XRCC2: variants seen among roughly 807,000 people sequenced by gnomAD.
XRCC2 encodes the protein DNA repair protein XRCC2.
In XRCC2, 24 loss-of-function variants were observed where a neutral mutation model predicts 27.3. That is an observed-to-expected ratio of 0.88 (90% CI 0.64 to 1.24). The LOEUF is 1.24. Among genes scored for constraint, XRCC2 ranks in the 50% most tolerant of loss-of-function variants. XRCC2 has a pLI of 0.00. For synonymous variants in XRCC2, 106 were observed against 115.4 expected, an observed-to-expected ratio of 0.92 and a Z score of 0.52; for missense variants, 321 against 325.8, an observed-to-expected ratio of 0.99 and a Z score of 0.11.
chr7:152,648,735 G>A lies in XRCC2; in HGVS notation c.750C>T (p.Ser250=), dbSNP rs1171354343. 7.4e-6 allele frequency: 12 copies of A among 1,613,866 alleles called. No homozygotes were observed. Among genetic ancestry groups the A allele is most frequent in the African/African-American group, 2.7e-5 (2 of 74,916 alleles). The change falls in exon 3 of 3, where the codon AGC becomes AGT. Residue 250 remains serine (S), a synonymous_variant. Coordinates refer to ENST00000359321, the MANE Select transcript of XRCC2 (RefSeq NM_005431.2). ...AACGTGAAACTAATGAAAATTGGTTGCTGCTTTGAGAATCATCTTGTTTGG... is the reference window on the plus strand; with the variant it reads ...AACGTGAAACTAATGAAAATTGGTTACTGCTTTGAGAATCATCTTGTTTGG... ...FFSKQDDSQS[S]NQFSLVSRCL...
intron 1 of XRCC2, among the ~76,000 whole-genome samples, chr7:152,667,405 CAAAAAAAAAAAA>C (rs60136474): frequency 7.9e-5 from 6 of 75,892 alleles, no homozygotes; most frequent in Non-Finnish European, 6.8e-5. Context: ...AACTCCGTCT[CAAAAAAAAAAAA>C]AAAAAAAAAG....
chr7:152,665,070 CAT>C lies in XRCC2; in HGVS notation c.40-4290_40-4289del, dbSNP rs2098034985. ...TTTCAGATGCTGGCAAGTCACTGCA[CAT>C]GAGGCAATTAGCCAGCAGCCCATCC... On this transcript the variant is annotated intron_variant, in intron 1 of 2. Coordinates refer to ENST00000359321, the MANE Select transcript of XRCC2 (RefSeq NM_005431.2). Among the ~76,000 whole-genome samples the C allele has an allele frequency of 3.9e-5, 6 of 152,150 alleles. No individual in the cohort carries two copies. In the South Asian group the frequency reaches 1.3e-3, roughly 32 times the overall value.
intron 2 of XRCC2, among the ~76,000 whole-genome samples, chr7:152,652,389 T>G (rs3218520): frequency 6.6e-6 from 1 of 152,024 alleles, no homozygotes; most frequent in Non-Finnish European, 1.5e-5. Context: ...CAAGGGACCA[T>G]GCAGAAGCGC....
chr7:152,674,711 A>ATTTTAAAATATATTT (rs1472762302), intron 1 of XRCC2, among the ~76,000 whole-genome samples: 505 of 2,746 alleles, frequency 0.18, 153 homozygotes, highest in South Asian at 0.23. Context: ...ATATTTATAT[A>ATTTTAAAATATATTT]ATATATTTTT....
At chr7:152,667,421 A>G (rs199614471) in intron 1 of XRCC2, among the ~76,000 whole-genome samples, 23 of 79,708 alleles carry the variant, frequency 2.9e-4, no homozygotes, top group Admixed American at 7.6e-4. Flanking sequence ...AAAAAAAAAA[A>G]AAAAAGAAAA....
intron 1 of XRCC2, among the ~76,000 whole-genome samples, chr7:152,674,909 C>A (rs947750115): frequency 2.0e-5 from 3 of 151,344 alleles, no homozygotes; most frequent in African/African-American, 7.3e-5. Flanking sequence ...TTTATTGGAA[C>A]GCTGCCATGT....
chr7:152,673,374 G>C (rs749354223), intron 1 of XRCC2, among the ~76,000 whole-genome samples: 4 of 151,738 alleles, frequency 2.6e-5, no homozygotes, highest in African/African-American at 7.3e-5. Context: ...AGTAGAGACA[G>C]GGTTTCTCTC....
rs544703085 is a variant in XRCC2 at position 152,667,692 on chromosome 7, T to C, written c.40-6910A>G. 2.0e-5 allele frequency among the ~76,000 whole-genome samples: 3 copies of C among 152,118 alleles called. No individual in the cohort carries two copies. The East Asian group carries it at 5.8e-4, about 29-fold the overall frequency. ...GAAATAGATTTAAATTTACAAGTAA[T>C]GGATAATATTAACAATTCACAAGCC... is the stretch of plus-strand genomic sequence containing the variant. On this transcript the variant is annotated intron_variant, in intron 1 of 2. Coordinates refer to ENST00000359321, the MANE Select transcript of XRCC2 (RefSeq NM_005431.2).
rs2116987944 is a variant in XRCC2 at position 152,649,103 on chromosome 7, G to A, written c.382C>T (p.Leu128Phe). 6.2e-7 allele frequency: 1 copy of A among 1,614,148 alleles called. No individual in the cohort carries two copies. Residue 128 changes from leucine to phenylalanine, a missense_variant, in exon 3 of 3, where the codon CTT becomes TTT. Transcript: ENST00000359321. Reference protein sequence around the residue: ...VYCSSSTHLLLTLYSLESMFC... With the variant: ...VYCSSSTHLLFTLYSLESMFC... ...ATACTTTCTAGTGAGTAAAGTGTAAGAAGTAAGTGGGTGCTACTACTGCAG... is the reference window on the plus strand; with the variant it reads ...ATACTTTCTAGTGAGTAAAGTGTAAAAAGTAAGTGGGTGCTACTACTGCAG...
At chr7:152,652,153 A>T (rs1702514557) in intron 2 of XRCC2, among the ~76,000 whole-genome samples, 1 of 148,120 alleles carries the variant, frequency 6.8e-6, no homozygotes, top group Admixed American at 6.9e-5. Context: ...ACAGAGGGAG[A>T]CCCTGTCTCT....
intron 1 of XRCC2, among the ~76,000 whole-genome samples, chr7:152,663,085 A>C (rs1157460124): frequency 2.0e-5 from 3 of 152,174 alleles, no homozygotes; most frequent in African/African-American, 7.2e-5. Context: ...GTCATAATAC[A>C]AGGTAAAGTT....
chr7:152,667,424 AAAG>A (rs1174221516), intron 1 of XRCC2, among the ~76,000 whole-genome samples: 1 of 82,020 alleles, frequency 1.2e-5, no homozygotes, highest in Non-Finnish European at 2.7e-5. Flanking sequence ...AAAAAAAAAA[AAAG>A]AAAAAAAGTA....
At chr7:152,654,846 G>C (rs1380229316) in intron 2 of XRCC2, among the ~76,000 whole-genome samples, 1 of 152,188 alleles carries the variant, frequency 6.6e-6, no homozygotes, top group East Asian at 1.9e-4. Context: ...ACTTGCAAGA[G>C]ACACATGAAT....
intron 2 of XRCC2, among the ~76,000 whole-genome samples, chr7:152,653,268 T>C (rs548144906): frequency 2.0e-5 from 3 of 152,270 alleles, no homozygotes; most frequent in Admixed American, 2.0e-4. Flanking sequence ...CCTTCTGCAA[T>C]GATTGTGAGG....
intron 1 of XRCC2, among the ~76,000 whole-genome samples, chr7:152,671,979 TGCAGG>T (rs2098038382): frequency 6.6e-6 from 1 of 152,196 alleles, no homozygotes. Context: ...AGGTCAAGGC[TGCAGG>T]GAGCTGTAAT....
At chr7:152,652,645 C>T (rs1287651148) in intron 2 of XRCC2, among the ~76,000 whole-genome samples, 1 of 152,206 alleles carries the variant, frequency 6.6e-6, no homozygotes, top group African/African-American at 2.4e-5. Flanking sequence ...TTCCTGCTAG[C>T]TTCTCTAAGG....
intron 2 of XRCC2, among the ~76,000 whole-genome samples, chr7:152,657,418 G>GC (rs1351963954): frequency 2.0e-5 from 3 of 151,058 alleles, no homozygotes; most frequent in Admixed American, 6.6e-5. Flanking sequence ...TCCTGTCTCA[G>GC]CCCCCCGAGT....
At chr7:152,653,853 C>G (rs1452724568) in intron 2 of XRCC2, among the ~76,000 whole-genome samples, 1 of 152,056 alleles carries the variant, frequency 6.6e-6, no homozygotes, top group Non-Finnish European at 1.5e-5. Flanking sequence ...AAAATGTTAT[C>G]TCTAGGTGTC....
intron 2 of XRCC2, among the ~76,000 whole-genome samples, chr7:152,656,145 C>T (rs1260932651): frequency 1.3e-5 from 2 of 152,126 alleles, no homozygotes; most frequent in Non-Finnish European, 2.9e-5. Flanking sequence ...CGCAGCCAAC[C>T]ACCATGGCAC....
Sources: gnomAD v4.1 joint callset for allele counts (sites outside exome capture counted in the v4.1 genomes callset) on GRCh38, gnomAD v4.1.1 for gene constraint, MANE v1.5 for transcripts, NCBI Gene and HGNC (gene_info 2026-07-23, HGNC 2026-07-21) for gene names.